Variants in TECRL observed in about 807,000 individuals in gnomAD.
TECRL encodes trans-2,3-enoyl-CoA reductase like, also known as trans-2,3-enoyl-CoA reductase-like.
A neutral mutation model predicts 52.8 loss-of-function variants in TECRL; 63 were observed. The observed-to-expected ratio is 1.19, with a 90% CI of 0.97 to 1.47. TECRL has a LOEUF of 1.47. Ranked by LOEUF, TECRL falls within the 40% of genes most tolerant of loss-of-function variation. TECRL has a pLI of 0.00. For missense variants in TECRL, 482 were observed against 429.6 expected (o/e 1.12, Z -1.08); for synonymous variants, 164 against 141.9 (o/e 1.16, Z -1.10).
intron 3 of TECRL, among the ~76,000 whole-genome samples, chr4:64,327,259 C>T (rs1445558541): frequency 6.6e-6 from 1 of 151,976 alleles, no homozygotes; most frequent in South Asian, 2.1e-4. Flanking sequence ...CTATATTTTA[C>T]TCATCTCACA....
intron 1 of TECRL, among the ~76,000 whole-genome samples, chr4:64,400,931 A>G (rs139405027): frequency 1.0e-3 from 156 of 152,290 alleles, no homozygotes; most frequent in African/African-American, 3.7e-3. Context: ...AGAATGGCCC[A>G]ATGCAACAAA....
intron 1 of TECRL, among the ~76,000 whole-genome samples, chr4:64,376,441 T>A (rs1163371384): frequency 6.6e-6 from 1 of 151,918 alleles, no homozygotes; most frequent in Non-Finnish European, 1.5e-5. Context: ...TAGAAAAAAA[T>A]TTAAAAACAG....
intron 2 of TECRL, among the ~76,000 whole-genome samples, chr4:64,346,686 G>A (rs1720012147): frequency 6.6e-6 from 1 of 152,218 alleles, no homozygotes; most frequent in Non-Finnish European, 1.5e-5. Context: ...TAGGTTTCCA[G>A]ACCTGTGACA....
At chr4:64,362,966 A>T (rs1441313136) in intron 2 of TECRL, among the ~76,000 whole-genome samples, 1 of 151,968 alleles carries the variant, frequency 6.6e-6, no homozygotes, top group African/African-American at 2.4e-5. Flanking sequence ...ATAAAAAGAT[A>T]GTCATAGGAT....
chr4:64,311,311 G>A (rs1156521170), intron 5 of TECRL, among the ~76,000 whole-genome samples: 4 of 152,126 alleles, frequency 2.6e-5, no homozygotes, highest in African/African-American at 9.7e-5. Context: ...AAGTATAATG[G>A]CAGACAAATT....
chr4:64,292,478 T>C (rs555199472), intron 8 of TECRL, among the ~76,000 whole-genome samples: 11 of 151,854 alleles, frequency 7.2e-5, no homozygotes, highest in Admixed American at 1.3e-4. Context: ...TAAGAAAACA[T>C]TGCCCAGATA....
chr4:64,375,202 G>T lies in TECRL; in HGVS notation c.256C>A (p.His86Asn). The T allele has an allele frequency of 7.1e-7, 1 of 1,403,342 alleles. No individual in the cohort carries two copies. The highest frequency in any genetic ancestry group is 1.5e-5 in the South Asian group (1 of 65,174). 86.9% of individuals were successfully genotyped at this position (1,403,342 alleles called of 1,614,324 possible). A position where few individuals can be genotyped will look rare whatever the true frequency, so the allele number is the denominator to read the frequency against. ...TTGTGAAACTTTTGCTTAACATCAT[G>T]AATAGTAGATGATTGTGTCACCTGA... ...LDKVTQSSTI[H>N]DVKQKFHKAC... Residue 86 changes from histidine (H) to asparagine (N), a missense_variant, in exon 2 of 12, where the codon CAT becomes AAT. By Grantham distance (68) the His-to-Asn change is moderately conservative. Transcript: ENST00000381210.
intron 2 of TECRL, among the ~76,000 whole-genome samples, chr4:64,332,989 A>G (rs1359831448): frequency 1.3e-5 from 2 of 152,014 alleles, no homozygotes; most frequent in East Asian, 1.9e-4. Flanking sequence ...CAAGATAAAT[A>G]TTAAAGAATT....
intron 2 of TECRL, among the ~76,000 whole-genome samples, chr4:64,353,079 G>C (rs570781435): frequency 7.2e-5 from 11 of 152,138 alleles, no homozygotes; most frequent in East Asian, 1.9e-4. Context: ...TTTTTCTAAT[G>C]ATGAGCCATA....
chr4:64,310,871 G>T (rs561764734), intron 5 of TECRL, among the ~76,000 whole-genome samples: 3 of 151,998 alleles, frequency 2.0e-5, no homozygotes, highest in African/African-American at 7.2e-5. Context: ...GGACCACACC[G>T]CCATGCCCGG....
intron 1 of TECRL, among the ~76,000 whole-genome samples, chr4:64,387,963 T>C (rs1723292174): frequency 6.6e-6 from 1 of 151,816 alleles, no homozygotes; most frequent in African/African-American, 2.4e-5. Context: ...TTCCAGTTTG[T>C]TTCTTGTCTT....
chr4:64,336,988 A>T (rs1220835577), intron 2 of TECRL, among the ~76,000 whole-genome samples: 1 of 152,104 alleles, frequency 6.6e-6, no homozygotes, highest in Non-Finnish European at 1.5e-5. Context: ...TATTCTGTTG[A>T]TTTGGGGTGG....
chr4:64,375,423 TTG>T (rs1722331040), intron 1 of TECRL, among the ~76,000 whole-genome samples, 200 bp from the exon 2 acceptor site: 1 of 152,006 alleles, frequency 6.6e-6, no homozygotes, highest in Non-Finnish European at 1.5e-5. Context: ...AAAAATTTGT[TTG>T]TATACAACAG....
At chr4:64,375,280 C>A in intron 1 of TECRL, 57 bp from the exon 2 acceptor site, 1 of 952,072 alleles carries the variant, frequency 1.1e-6, no homozygotes, top group South Asian at 2.3e-5. Flanking sequence ...GTTTTCTATC[C>A]ATTTAAGAAA....
chr4:64,280,062 G>T lies in TECRL; in HGVS notation c.*10C>A, dbSNP rs1310491078. 1 of 1,584,876 alleles carries T rather than the reference G, an allele frequency of 6.3e-7. No individual in the cohort carries two copies. The highest frequency in any genetic ancestry group is 1.8e-5 in the Admixed American group (1 of 54,098). On this transcript the variant is annotated 3_prime_UTR_variant, in exon 12 of 12. Transcript: ENST00000381210. ...TGTTGCTGTTTTCTATAGGAGATAA[G>T]ATTCTTTTTTTACAATATGAATGGA...
intron 2 of TECRL, among the ~76,000 whole-genome samples, chr4:64,368,215 A>G (rs547423718): frequency 0.012 from 1,896 of 152,264 alleles, 45 homozygotes; most frequent in African/African-American, 0.043. Flanking sequence ...TTCATGAATA[A>G]TTTGGCAAAT....
intron 9 of TECRL, among the ~76,000 whole-genome samples, chr4:64,285,594 G>A (rs1183017175): frequency 6.6e-6 from 1 of 152,002 alleles, no homozygotes; most frequent in Non-Finnish European, 1.5e-5. Flanking sequence ...AGCTGACACA[G>A]GAACTGATAA....
chr4:64,403,713 C>T (rs951920326), intron 1 of TECRL, among the ~76,000 whole-genome samples: 1 of 151,342 alleles, frequency 6.6e-6, no homozygotes, highest in Admixed American at 6.6e-5. Context: ...CTGAATTCAA[C>T]TCCCATGTGC....
intron 9 of TECRL, among the ~76,000 whole-genome samples, chr4:64,282,100 T>A (rs2109926568): frequency 6.6e-6 from 1 of 152,058 alleles, no homozygotes; most frequent in South Asian, 2.1e-4. Flanking sequence ...TCAGTATAGT[T>A]AATATTCTGA....
Sources: allele counts gnomAD v4.1 joint callset (sites outside exome capture counted in the v4.1 genomes callset), GRCh38; gene constraint gnomAD v4.1.1; transcripts MANE v1.5; gene names NCBI Gene and HGNC (gene_info 2026-07-23, HGNC 2026-07-21).